ZNF536: variants seen among roughly 807,000 people sequenced by gnomAD.
ZNF536 encodes zinc finger protein 536.
ZNF536 carries 13 observed loss-of-function variants against 84.5 expected under a neutral mutation model. The ratio of observed to expected loss-of-function variants is 0.15; its 90% CI spans 0.10 to 0.24. The LOEUF (loss-of-function observed/expected upper bound fraction) is 0.24. Among genes scored for constraint, ZNF536 ranks in the 10% least tolerant of loss-of-function variants. ZNF536 has a pLI of 1.00. For synonymous variants in ZNF536, 811 were observed against 742.5 expected (o/e 1.09, Z -1.50); for missense variants, 1,536 against 1,747.5 (o/e 0.88, Z 2.16).
chr19:30,387,247 T>C (rs2049381530), intron 1 of ZNF536, among the ~76,000 whole-genome samples: 1 of 152,198 alleles, frequency 6.6e-6, no homozygotes, highest in Non-Finnish European at 1.5e-5. Flanking sequence ...GCTTAGCTGA[T>C]ACTTGCAAAG....
chr19:30,338,945 TG>T, intron 2 of ZNF536, among the ~76,000 whole-genome samples: 1 of 152,306 alleles, frequency 6.6e-6, no homozygotes, highest in South Asian at 2.1e-4. Flanking sequence ...TGGTGGCATG[TG>T]TGAGAGTGCA....
At chr19:30,570,444 A>G (rs2046505676) in intron 1 of ZNF536, among the ~76,000 whole-genome samples, 1 of 152,198 alleles carries the variant, frequency 6.6e-6, no homozygotes, top group African/African-American at 2.4e-5. Context: ...CCTGTGAGTG[A>G]TAGCAAGCCC....
At chr19:30,629,829 G>A (rs2048825404) in intron 1 of ZNF536, among the ~76,000 whole-genome samples, 1 of 152,232 alleles carries the variant, frequency 6.6e-6, no homozygotes, top group African/African-American at 2.4e-5. Context: ...GAAATGCCAA[G>A]GGCAGGGGCA....
At position 30,230,488 on chromosome 19, in the gene ZNF536, A is replaced by T. The variant is rs1183323418; in HGVS notation, c.-190+1815A>T. Among the ~76,000 whole-genome samples, 5 of 152,334 alleles carry T rather than the reference A, an allele frequency of 3.3e-5. No homozygotes were observed. In the South Asian group the frequency reaches 1.0e-3, roughly 32 times the overall value. On this transcript the variant is annotated intron_variant, in intron 1 of 5. Coordinates refer to the ZNF536 transcript ENST00000585628. ...GGCTGGAGATCTTCGCAACTCAGCA[A>T]CTTAACTGCTGGCCGGGCTGTCTTC...
rs756176001 is a variant in ZNF536 at position 30,548,173 on chromosome 19, G to A, written c.2554G>A (p.Gly852Arg). The A allele has an allele frequency of 6.2e-7, 1 of 1,614,170 alleles. No individual in the cohort carries two copies. The highest frequency in any genetic ancestry group is 8.5e-7 in the Non-Finnish European group (1 of 1,180,034). The change falls in exon 4 of 5, where the codon GGA becomes AGA. Residue 852 changes from glycine to arginine, a missense_variant. Gly to Arg is a moderately radical substitution (Grantham distance 125, BLOSUM62 -2). Transcript: ENST00000355537. ...GGGTCTCCCTGGAATCGACTTCAGA[G>A]GAGGCCCTGCATCTCAGCAGTGGAC... ...FKGLPGIDFR[G>R]GPASQQWTSG...
At chr19:30,457,162 C>A (rs559597030) in intron 2 of ZNF536, among the ~76,000 whole-genome samples, 1 of 152,258 alleles carries the variant, frequency 6.6e-6, no homozygotes, top group East Asian at 1.9e-4. Flanking sequence ...GGAGGGTTTA[C>A]CCTGGGGCCT....
At chr19:30,641,978 C>A (rs2049282124) in intron 1 of ZNF536, among the ~76,000 whole-genome samples, 1 of 152,128 alleles carries the variant, frequency 6.6e-6, no homozygotes, top group Non-Finnish European at 1.5e-5. Context: ...ATGAGATTGG[C>A]CATGCACTTG....
At chr19:30,505,223 GAT>G (rs1277748054) in intron 2 of ZNF536, among the ~76,000 whole-genome samples, 2 of 128,946 alleles carry the variant, frequency 1.6e-5, no homozygotes, top group Admixed American at 7.4e-5. Context: ...ATTATTATGA[GAT>G]ATGTTAATAT....
chr19:30,642,626 A>G (rs1297781875), intron 1 of ZNF536, among the ~76,000 whole-genome samples: 2 of 152,196 alleles, frequency 1.3e-5, no homozygotes, highest in Non-Finnish European at 2.9e-5. Flanking sequence ...CTGAAGTTTC[A>G]GAAGGAAATT....
intron 1 of ZNF536, among the ~76,000 whole-genome samples, chr19:30,582,526 G>T (rs1471526363): frequency 1.3e-5 from 2 of 151,748 alleles, no homozygotes; most frequent in African/African-American, 4.8e-5. Flanking sequence ...GAGTACCTGG[G>T]ACTACAGGTG....
chr19:30,331,407 C>T (rs1045053033), intron 2 of ZNF536, among the ~76,000 whole-genome samples: 3 of 150,218 alleles, frequency 2.0e-5, no homozygotes, highest in Non-Finnish European at 4.4e-5. Context: ...TCTGTCTCTG[C>T]AGTGGTCATG....
chr19:30,378,948 A>G (rs962810080), intron 1 of ZNF536, among the ~76,000 whole-genome samples: 12 of 152,134 alleles, frequency 7.9e-5, no homozygotes, highest in African/African-American at 2.9e-4. Flanking sequence ...AAGGATGTTG[A>G]CAGGGGTCTG....
intron 2 of ZNF536, among the ~76,000 whole-genome samples, chr19:30,520,562 G>A (rs2044279824): frequency 6.6e-6 from 1 of 152,016 alleles, no homozygotes; most frequent in Non-Finnish European, 1.5e-5. Context: ...TAATTTCTGG[G>A]TTAGACAATG....
At chr19:30,643,859 G>T (rs1200126428) in intron 1 of ZNF536, among the ~76,000 whole-genome samples, 2 of 152,122 alleles carry the variant, frequency 1.3e-5, no homozygotes, top group African/African-American at 2.4e-5. Flanking sequence ...GAACTCCAGG[G>T]TATTAGAAAA....
chr19:30,416,574 G>A (rs189256926), intron 1 of ZNF536, among the ~76,000 whole-genome samples: 2 of 152,150 alleles, frequency 1.3e-5, no homozygotes, highest in Admixed American at 1.3e-4. Flanking sequence ...CAGGAAAATA[G>A]GCAGGCTGGG....
intron 3 of ZNF536, among the ~76,000 whole-genome samples, chr19:30,537,588 G>A (rs1052002874): frequency 3.9e-5 from 4 of 102,922 alleles, no homozygotes; most frequent in African/African-American, 2.0e-4. Flanking sequence ...CAGCTTCCCG[G>A]GGGGTAAGAG....
chr19:30,441,994 G>A lies in ZNF536; in HGVS notation c.-2-1567G>A, dbSNP rs551737179. Among the ~76,000 whole-genome samples, 16 of 152,314 alleles carry A rather than the reference G, an allele frequency of 1.1e-4. No homozygotes were observed. In the South Asian group the frequency reaches 2.9e-3, roughly 28 times the overall value. On this transcript the variant is annotated intron_variant, in intron 1 of 4. Transcript: ENST00000355537. The stretch of plus-strand genomic sequence containing the variant: ...CCACAGTTGAGCTCTGTCCCCATAG[G>A]TCTCCCTGGTTAATCACTTAGCCCA...
At chr19:30,693,503 C>G (rs558457605) in intron 1 of ZNF536, among the ~76,000 whole-genome samples, 2 of 152,122 alleles carry the variant, frequency 1.3e-5, no homozygotes, top group South Asian at 4.1e-4. Context: ...TATGCAAAGT[C>G]TGACACCTTT....
chr19:30,323,232 AC>A (rs1236875083), intron 2 of ZNF536, among the ~76,000 whole-genome samples: 2 of 152,100 alleles, frequency 1.3e-5, no homozygotes, highest in Non-Finnish European at 2.9e-5. Flanking sequence ...TCTCGGCTCC[AC>A]TCAGCTCAGT....
Sources: gnomAD v4.1 joint callset for allele counts (sites outside exome capture counted in the v4.1 genomes callset) on GRCh38, gnomAD v4.1.1 for gene constraint, MANE v1.5 for transcripts, NCBI Gene and HGNC (gene_info 2026-07-23, HGNC 2026-07-21) for gene names.